The following ASTN1 variants were observed in gnomAD, a reference collection of about 807,000 sequenced individuals.
ASTN1 encodes the protein astrotactin 1.
In ASTN1, 41 loss-of-function variants were observed where a neutral mutation model predicts 140.7. That is an observed-to-expected ratio of 0.29 (90% confidence interval 0.23 to 0.38). The LOEUF is 0.38. ASTN1 is among the 10% of genes least tolerant of loss of function. The pLI is 1.00. For missense variants in ASTN1, 1,479 were observed against 1,678.8 expected (o/e 0.88, Z 2.08); for synonymous variants, 640 against 652.2 (o/e 0.98, Z 0.29).
At chr1:176,970,733 T>TGC (rs1335523419) in intron 8 of ASTN1, among the ~76,000 whole-genome samples, 1 of 143,456 alleles carries the variant, frequency 7.0e-6, no homozygotes, top group African/African-American at 2.8e-5. Context: ...TGGGTATGGG[T>TGC]GTGTGTGTGT....
At chr1:176,918,663 T>C (rs1447033968) in intron 16 of ASTN1, among the ~76,000 whole-genome samples, 2 of 152,190 alleles carry the variant, frequency 1.3e-5, no homozygotes, top group African/African-American at 4.8e-5. Flanking sequence ...TTCCTTTCCA[T>C]TGCCCAGATT....
intron 8 of ASTN1, among the ~76,000 whole-genome samples, chr1:176,993,662 A>G (rs1225523956): frequency 1.3e-5 from 2 of 152,172 alleles, no homozygotes; most frequent in African/African-American, 2.4e-5. Context: ...TCATTTTGCC[A>G]TTGAGATACT....
chr1:176,960,660 C>A lies in ASTN1; in HGVS notation c.1599-2178G>T, dbSNP rs79139911. Among the ~76,000 whole-genome samples the A allele has an allele frequency of 6.2e-4, 94 of 152,312 alleles. 1 individual carries two copies. In the East Asian group the frequency reaches 0.017, roughly 28 times the overall value. ...AAGTCCCAGCCTCCAAAGAGGTCATCCCTGATAGCTGATGGCTTCTTCTGC... is the reference window on the plus strand; with the variant it reads ...AAGTCCCAGCCTCCAAAGAGGTCATACCTGATAGCTGATGGCTTCTTCTGC... On this transcript the variant is annotated intron_variant, in intron 9 of 22. Coordinates refer to ENST00000361833, the MANE Select transcript of ASTN1 (RefSeq NM_004319.3).
intron 1 of ASTN1, among the ~76,000 whole-genome samples, chr1:177,153,363 C>A (rs911790278): frequency 2.6e-5 from 4 of 152,098 alleles, no homozygotes; most frequent in Admixed American, 2.6e-4. Flanking sequence ...CAATCTTGAA[C>A]TTTCCAACCA....
At chr1:177,123,655 C>T (rs1240367751) in intron 1 of ASTN1, among the ~76,000 whole-genome samples, 1 of 152,142 alleles carries the variant, frequency 6.6e-6, no homozygotes, top group African/African-American at 2.4e-5. Flanking sequence ...ACTGGGTGGC[C>T]CCTGGGCTAC....
chr1:177,090,865 TG>T (rs1454895717), intron 1 of ASTN1, among the ~76,000 whole-genome samples: 7 of 152,110 alleles, frequency 4.6e-5, no homozygotes, highest in African/African-American at 1.7e-4. Flanking sequence ...TTCATTCCGT[TG>T]TTCCTTGTCT....
At chr1:177,158,801 TA>T (rs1480979059) in intron 1 of ASTN1, among the ~76,000 whole-genome samples, 3 of 151,384 alleles carry the variant, frequency 2.0e-5, no homozygotes, top group Non-Finnish European at 1.5e-5. Flanking sequence ...CTCACGCCTG[TA>T]ATCCCAGCAC....
intron 16 of ASTN1, among the ~76,000 whole-genome samples, chr1:176,918,435 GAAGCTCT>G (rs1670584015): frequency 6.6e-6 from 1 of 152,080 alleles, no homozygotes; most frequent in Admixed American, 6.6e-5. Flanking sequence ...AGGCCTACAT[GAAGCTCT>G]TTACTGCTCA....
At chr1:177,123,761 T>A (rs1429673790) in intron 1 of ASTN1, among the ~76,000 whole-genome samples, 1 of 152,194 alleles carries the variant, frequency 6.6e-6, no homozygotes, top group Non-Finnish European at 1.5e-5. Context: ...CCTGGCTCTA[T>A]GAGCTGATTA....
chr1:176,911,901 C>T (rs574763864), intron 16 of ASTN1, among the ~76,000 whole-genome samples: 2 of 152,294 alleles, frequency 1.3e-5, no homozygotes, highest in South Asian at 4.1e-4. Context: ...TTTGTTTACA[C>T]CAACATTACC....
At chr1:176,904,289 A>T (rs1345824115) in intron 16 of ASTN1, among the ~76,000 whole-genome samples, 1 of 151,122 alleles carries the variant, frequency 6.6e-6, no homozygotes, top group African/African-American at 2.5e-5. Context: ...GTGGGAAGTG[A>T]AAAGAAGTTC....
rs556494041 is a variant in ASTN1 at position 177,155,574 on chromosome 1, G to A, written c.283+8820C>T. ...AACTAATAAAGTTGTTCCCCATGGT[G>A]GTATGGGCAAACAATTCCAATACTG... On this transcript the variant is annotated intron_variant, in intron 1 of 22. Transcript: ENST00000361833. Among the ~76,000 whole-genome samples, 4 of 152,216 alleles carry A rather than the reference G, an allele frequency of 2.6e-5. No individual in the cohort carries two copies. The South Asian group carries it at 8.3e-4, about 32-fold the overall frequency.
chr1:176,858,459 G>T (rs1423694509), downstream of ASTN1, among the ~76,000 whole-genome samples: 2 of 152,120 alleles, frequency 1.3e-5, no homozygotes, highest in African/African-American at 4.8e-5. Context: ...GTAGGCATTT[G>T]TTCCCCAAGT....
At chr1:176,960,879 A>G (rs1672627789) in intron 9 of ASTN1, among the ~76,000 whole-genome samples, 1 of 151,946 alleles carries the variant, frequency 6.6e-6, no homozygotes, top group African/African-American at 2.4e-5. Context: ...CCCTTCCAGA[A>G]AGCTCCCCAG....
At chr1:176,985,194 C>T (rs768905269) in intron 8 of ASTN1, among the ~76,000 whole-genome samples, 1 of 152,158 alleles carries the variant, frequency 6.6e-6, no homozygotes, top group Non-Finnish European at 1.5e-5. Context: ...TAAAACAAAG[C>T]GTAGATAACA....
Position 177,079,528 on chromosome 1 carries a change from C to T in ASTN1, c.284-18263G>A, listed in dbSNP as rs560431678. ...CTCTCGTTTGAAAGAAGAAGTACCA[C>T]AATTTCAAGGAACAGACTGCCATCC... is the stretch of plus-strand genomic sequence containing the variant. On this transcript the variant is annotated intron_variant, in intron 1 of 22. Coordinates refer to ENST00000361833, the MANE Select transcript of ASTN1 (RefSeq NM_004319.3). Among the ~76,000 whole-genome samples the T allele has an allele frequency of 1.6e-4, 25 of 152,262 alleles. No homozygotes were observed. The South Asian group carries it at 4.8e-3, about 29-fold the overall frequency.
chr1:176,909,080 A>C (rs573692805), intron 16 of ASTN1, among the ~76,000 whole-genome samples: 96 of 152,278 alleles, frequency 6.3e-4, no homozygotes, highest in African/African-American at 2.3e-3. Flanking sequence ...CTTGCCCCCC[A>C]AAATGTGGCT....
intron 12 of ASTN1, 104 bp downstream of exon 12, chr1:176,949,081 G>A: frequency 6.8e-7 from 1 of 1,468,038 alleles, no homozygotes; most frequent in East Asian, 2.3e-5. Flanking sequence ...ACTAAGGGAT[G>A]GCCTAGGGTG....
intron 16 of ASTN1, among the ~76,000 whole-genome samples, chr1:176,916,759 C>A (rs541083407): frequency 6.6e-6 from 1 of 152,192 alleles, no homozygotes; most frequent in Non-Finnish European, 1.5e-5. Flanking sequence ...GCATCCTCCA[C>A]GCTGTCATTA....
Sources: allele counts gnomAD v4.1 joint callset (sites outside exome capture counted in the v4.1 genomes callset), GRCh38; gene constraint gnomAD v4.1.1; transcripts MANE v1.5; gene names NCBI Gene and HGNC (gene_info 2026-07-23, HGNC 2026-07-21).